NTRK3: variants seen among roughly 807,000 people sequenced by gnomAD.
NTRK3 encodes NT-3 growth factor receptor.
In NTRK3, 24 loss-of-function variants were observed where a neutral mutation model predicts 91.7. That is an observed-to-expected ratio of 0.26 (90% CI 0.19 to 0.37). The LOEUF (loss-of-function observed/expected upper bound fraction) is 0.37, where lower values mean the gene tolerates loss of function less well. Ranked by LOEUF, NTRK3 falls within the 10% of genes least tolerant of loss-of-function variation. NTRK3 has a pLI of 1.00. For synonymous variants in NTRK3, 483 were observed against 404.0 expected (o/e 1.20, Z -2.34); for missense variants, 880 against 1,068.9 (o/e 0.82, Z 2.46).
rs1175444903 is a variant in NTRK3 at position 88,183,398 on chromosome 15, T to C, written c.395+20A>G. ...GTACCTGCCATGTGCCCCCAATCCC[T>C]GCAGCCCAGCTCTACTCACATATAA... is the stretch of plus-strand genomic sequence containing the variant. On this transcript the variant is annotated intron_variant, in intron 5 of 18. Coordinates refer to ENST00000394480, the Ensembl canonical transcript of NTRK3. 1.4e-5 allele frequency: 23 copies of C among 1,613,312 alleles called. No homozygotes were observed. The highest frequency in any genetic ancestry group is 2.0e-5 in the Non-Finnish European group (23 of 1,179,424).
At chr15:88,176,133 C>CTTTTTTTTTTT (rs1167029194) in intron 5 of NTRK3, among the ~76,000 whole-genome samples, 4 of 115,648 alleles carry the variant, frequency 3.5e-5, no homozygotes, top group African/African-American at 1.6e-4. Flanking sequence ...CTATATGCCC[C>CTTTTTTTTTTT]TTCTTTTTTT....
intron 12 of NTRK3, 33 bp from the exon 13 acceptor site, chr15:88,126,406 A>C: frequency 6.8e-7 from 1 of 1,479,782 alleles, no homozygotes; most frequent in African/African-American, 1.4e-5. Flanking sequence ...AGTCAGCAAC[A>C]ATCACAGAAA....
intron 17 of NTRK3, among the ~76,000 whole-genome samples, chr15:87,881,037 G>A (rs1375391023): frequency 6.6e-6 from 1 of 152,200 alleles, no homozygotes; most frequent in Non-Finnish European, 1.5e-5. Context: ...GATCTCAAAG[G>A]ACAGTAGGGA....
chr15:88,115,654 T>C (rs921438634), intron 13 of NTRK3, among the ~76,000 whole-genome samples: 2 of 151,988 alleles, frequency 1.3e-5, no homozygotes, highest in African/African-American at 2.4e-5. Context: ...CCAGGACTTA[T>C]CAGTCCTGGA....
intron 14 of NTRK3, among the ~76,000 whole-genome samples, chr15:87,956,793 A>T (rs956947106): frequency 6.6e-6 from 1 of 151,630 alleles, no homozygotes; most frequent in African/African-American, 2.4e-5. Flanking sequence ...GCTGGTCTGG[A>T]ACTCCTGACC....
At chr15:88,147,692 C>T (rs2043014348) in intron 5 of NTRK3, among the ~76,000 whole-genome samples, 1 of 151,988 alleles carries the variant, frequency 6.6e-6, no homozygotes, top group South Asian at 2.1e-4. Context: ...CTTCCATATC[C>T]CCTCCCCACA....
At chr15:87,947,139 A>C (rs2070628632) in intron 14 of NTRK3, among the ~76,000 whole-genome samples, 2 of 152,046 alleles carry the variant, frequency 1.3e-5, no homozygotes, top group South Asian at 4.2e-4. Context: ...TCAGCCTCCC[A>C]AAGTGCTAGG....
At chr15:88,108,470 C>T (rs138985350) in intron 13 of NTRK3, among the ~76,000 whole-genome samples, 2 of 152,294 alleles carry the variant, frequency 1.3e-5, no homozygotes, top group East Asian at 3.9e-4. Context: ...ACAACTCCCA[C>T]CTCCCACTAG....
chr15:87,989,459 C>T (rs1310105634), intron 14 of NTRK3, among the ~76,000 whole-genome samples: 2 of 132,786 alleles, frequency 1.5e-5, no homozygotes, highest in African/African-American at 5.1e-5. Flanking sequence ...ACAATGAGAA[C>T]ACTTGGACAC....
At chr15:87,953,722 A>G (rs1334992086) in intron 14 of NTRK3, among the ~76,000 whole-genome samples, 3 of 152,170 alleles carry the variant, frequency 2.0e-5, no homozygotes, top group Admixed American at 6.5e-5. Flanking sequence ...CCATCCTTCT[A>G]TGCTCTGCAG....
At chr15:87,929,892 C>T (rs1250590577) in intron 16 of NTRK3, among the ~76,000 whole-genome samples, 1 of 152,146 alleles carries the variant, frequency 6.6e-6, no homozygotes, top group Non-Finnish European at 1.5e-5. Context: ...GCCAAAGTCC[C>T]AGAGGTCCAG....
intron 13 of NTRK3, among the ~76,000 whole-genome samples, chr15:88,050,241 T>C (rs2080690718): frequency 6.6e-6 from 1 of 152,152 alleles, no homozygotes; most frequent in African/African-American, 2.4e-5. Context: ...TCCCAGGCTA[T>C]AGGGGAAAAC....
rs567238896 is a variant in NTRK3 at position 87,952,858 on chromosome 15, G to A, written c.1586-12105C>T. Among the ~76,000 whole-genome samples, 72 of 117,902 alleles carry A rather than the reference G, an allele frequency of 6.1e-4. 1 individual carries two copies. Among genetic ancestry groups the A allele is most frequent in the African/African-American group, 2.1e-3 (65 of 31,158 alleles). The allele number at this position is 117,902 out of a possible 152,430, so 77.3% of individuals were successfully genotyped here. A position where few individuals can be genotyped will look rare whatever the true frequency, so the allele number is the denominator to read the frequency against. On this transcript the variant is annotated intron_variant, in intron 14 of 18. Coordinates refer to ENST00000394480, the Ensembl canonical transcript of NTRK3. ...CCCCCGCCTTTCCTGCCCTACCCCCGCCGCCCCCTCTAAGCCTCTCGCTCT... is the reference window on the plus strand; with the variant it reads ...CCCCCGCCTTTCCTGCCCTACCCCCACCGCCCCCTCTAAGCCTCTCGCTCT...
At chr15:88,129,586 G>A (rs947251390) in intron 10 of NTRK3, among the ~76,000 whole-genome samples, 2 of 152,158 alleles carry the variant, frequency 1.3e-5, no homozygotes, top group Non-Finnish European at 2.9e-5. Context: ...CCAATAAAAG[G>A]AGTGAGGATT....
chr15:88,217,144 T>C (rs1034524880), intron 3 of NTRK3, among the ~76,000 whole-genome samples: 3 of 152,174 alleles, frequency 2.0e-5, no homozygotes, highest in Non-Finnish European at 1.5e-5. Context: ...GTGGAGACAT[T>C]AGGCTGCTGG....
intron 17 of NTRK3, chr15:87,925,701 G>T (rs2068246599): frequency 5.4e-6 from 1 of 185,768 alleles, no homozygotes; most frequent in Admixed American, 6.2e-5. Flanking sequence ...ACCCAAATGT[G>T]GACTTAGCTC....
intron 5 of NTRK3, among the ~76,000 whole-genome samples, chr15:88,151,634 C>G (rs2043387058): frequency 6.6e-6 from 1 of 152,210 alleles, no homozygotes; most frequent in African/African-American, 2.4e-5. Flanking sequence ...AGAAACCAAC[C>G]AGATGAGTCC....
rs59871521 is a variant in NTRK3 at position 87,960,441 on chromosome 15, C to A, written c.1586-19688G>T. 2.0e-5 allele frequency among the ~76,000 whole-genome samples: 3 copies of A among 152,172 alleles called. No individual in the cohort carries two copies. The South Asian group carries it at 6.2e-4, about 32-fold the overall frequency. ...ACCCGTCTCTCTTCACTACTATAAACCCCTCTTGCCCACTGACTTCTCACC... is the reference window on the plus strand; with the variant it reads ...ACCCGTCTCTCTTCACTACTATAAAACCCTCTTGCCCACTGACTTCTCACC... On this transcript the variant is annotated intron_variant, in intron 14 of 18. Coordinates refer to ENST00000394480, the Ensembl canonical transcript of NTRK3.
intron 5 of NTRK3, among the ~76,000 whole-genome samples, chr15:88,163,893 A>G (rs1378267760): frequency 6.6e-6 from 1 of 152,178 alleles, no homozygotes; most frequent in East Asian, 1.9e-4. Context: ...ATCCTACTAT[A>G]TGCCGTGCAT....
Sources: allele counts gnomAD v4.1 joint callset (sites outside exome capture counted in the v4.1 genomes callset), GRCh38; gene constraint gnomAD v4.1.1; transcripts MANE v1.5; gene names NCBI Gene and HGNC (gene_info 2026-07-23, HGNC 2026-07-21).